CIAO2A: variants seen among roughly 807,000 people sequenced by gnomAD.
CIAO2A encodes the protein MIP18 family protein FAM96A.
In CIAO2A, 17 loss-of-function variants were observed where a neutral mutation model predicts 22.4. The ratio of observed to expected loss-of-function variants is 0.76; its 90% CI spans 0.52 to 1.14. CIAO2A has a LOEUF of 1.14. CIAO2A is among the 50% of genes most tolerant of loss of function. The probability of loss-of-function intolerance (pLI) is 0.00; values close to 1 mark genes in which losing one functional copy is unlikely to be tolerated. For synonymous variants in CIAO2A, 74 were observed against 72.3 expected, an observed-to-expected ratio of 1.02 and a Z score of -0.12; for missense variants, 192 against 191.4, an observed-to-expected ratio of 1.00 and a Z score of -0.02.
intron 3 of CIAO2A, among the ~76,000 whole-genome samples, chr15:64,078,447 C>G (rs967779277): frequency 6.6e-6 from 1 of 151,956 alleles, no homozygotes; most frequent in South Asian, 2.1e-4. Context: ...CCAAACTGGC[C>G]AACATGGCAA....
intron 4 of CIAO2A, 153 bp downstream of exon 4, chr15:64,075,339 C>G (rs2080709014): frequency 1.8e-6 from 1 of 547,252 alleles, no homozygotes; most frequent in African/African-American, 2.0e-5. Flanking sequence ...TTTGAAATGC[C>G]TAGGTTTCCT....
intron 2 of CIAO2A, among the ~76,000 whole-genome samples, chr15:64,083,636 T>C (rs918143244): frequency 3.9e-5 from 6 of 152,130 alleles, no homozygotes; most frequent in Non-Finnish European, 7.4e-5. Context: ...GATACACTAT[T>C]ATACAATTCT....
chr15:64,089,450 G>GGTTGC (rs141515728), intron 1 of CIAO2A, among the ~76,000 whole-genome samples: 19 of 9,226 alleles, frequency 2.1e-3, no homozygotes, highest in African/African-American at 2.5e-3. Flanking sequence ...AGGAGGCAGA[G>GGTTGC]GTTGAGAGCG....
intron 2 of CIAO2A, among the ~76,000 whole-genome samples, chr15:64,083,831 C>T (rs952804675): frequency 5.9e-5 from 9 of 151,926 alleles, no homozygotes; most frequent in Non-Finnish European, 1.2e-4. Flanking sequence ...ATGATCCCAG[C>T]TACTTGGAGG....
At chr15:64,078,832 C>T (rs2080739990) in intron 3 of CIAO2A, among the ~76,000 whole-genome samples, 1 of 151,858 alleles carries the variant, frequency 6.6e-6, no homozygotes, top group Non-Finnish European at 1.5e-5. Context: ...CTGCTTGAGC[C>T]CAGGAGTTCA....
At chr15:64,091,739 T>G (rs1248887091) in intron 1 of CIAO2A, among the ~76,000 whole-genome samples, 1 of 151,992 alleles carries the variant, frequency 6.6e-6, no homozygotes, top group South Asian at 2.1e-4. Context: ...AGTTTCTAGA[T>G]TTGAGAGGTT....
chr15:64,086,636 CAG>C (rs1296623264), intron 2 of CIAO2A, among the ~76,000 whole-genome samples: 22 of 144,896 alleles, frequency 1.5e-4, no homozygotes, highest in African/African-American at 5.4e-4. Context: ...TTTTTTGAGA[CAG>C]AGTCTTACTC....
intron 3 of CIAO2A, among the ~76,000 whole-genome samples, chr15:64,079,506 A>G (rs1192557970): frequency 1.3e-5 from 2 of 152,184 alleles, no homozygotes; most frequent in Non-Finnish European, 1.5e-5. Context: ...AGCCTGGGAG[A>G]CAGAGCAAGA....
chr15:64,093,585 AC>A, intron 1 of CIAO2A, 59 bp downstream of exon 1: 3 of 1,545,218 alleles, frequency 1.9e-6, no homozygotes, highest in Non-Finnish European at 2.6e-6. Context: ...TCATCCCCGC[AC>A]CCCTCAGCTC....
At chr15:64,075,830 AT>A (rs928886278) in intron 3 of CIAO2A, among the ~76,000 whole-genome samples, 146 of 144,740 alleles carry the variant, frequency 1.0e-3, no homozygotes, top group Non-Finnish European at 8.0e-4. Flanking sequence ...TTGTATTATT[AT>A]TTTTTTTTTT....
At chr15:64,078,639 C>A (rs75165638) in intron 3 of CIAO2A, among the ~76,000 whole-genome samples, 662 of 128,902 alleles carry the variant, frequency 5.1e-3, no homozygotes, top group African/African-American at 0.011. Context: ...CCATCGCAAA[C>A]AAAAAAAAAA....
intron 3 of CIAO2A, among the ~76,000 whole-genome samples, chr15:64,078,238 T>C (rs750710868): frequency 1.1e-4 from 17 of 152,192 alleles, no homozygotes; most frequent in Non-Finnish European, 7.3e-5. Context: ...TAATAATTTA[T>C]TAATTTACTC....
rs969052158 is a variant in CIAO2A, at chr15:64,093,761, C to G, written c.8G>C (p.Arg3Pro). ...CGTCCAGGAGAGCAGCCCGGACACC[C>G]GCTGCATCTTCACGCTCAGCCATCC... MQ[R>P]VSGLLSWTLS... The change falls in exon 1 of 5, where the codon CGG becomes CCG. Residue 3 changes from arginine (R) to proline (P), a missense_variant. Arg to Pro is a moderately radical substitution (Grantham distance 103). Coordinates refer to ENST00000300030, the MANE Select transcript of CIAO2A (RefSeq NM_032231.7). The G allele has an allele frequency of 6.2e-7, 1 of 1,610,526 alleles. No individual in the cohort carries two copies. The highest frequency in any genetic ancestry group is 1.3e-5 in the African/African-American group (1 of 74,950).
At chr15:64,074,847 T>G (rs2080704885) in intron 4 of CIAO2A, 1 of 152,210 alleles carries the variant, frequency 6.6e-6, no homozygotes, top group African/African-American at 2.4e-5. Flanking sequence ...ACCTTCTCAA[T>G]TTACTTAGTG....
At chr15:64,088,522 G>A (rs2080814765) in intron 2 of CIAO2A, among the ~76,000 whole-genome samples, 165 bp downstream of exon 2, 2 of 152,182 alleles carry the variant, frequency 1.3e-5, no homozygotes, top group Admixed American at 1.3e-4. Flanking sequence ...AGCTAATTGT[G>A]AGGACTACAG....
chr15:64,080,725 C>G (rs2080753631), intron 3 of CIAO2A, among the ~76,000 whole-genome samples: 1 of 151,992 alleles, frequency 6.6e-6, no homozygotes. Flanking sequence ...ACTAGAATGC[C>G]TGTAATCAAA....
Position 64,093,826 on chromosome 15 carries a change from C to T in CIAO2A, c.-58G>A, listed in dbSNP as rs1425358280. On this transcript the variant is annotated 5_prime_UTR_variant, in exon 1 of 5. Coordinates refer to ENST00000300030, the MANE Select transcript of CIAO2A (RefSeq NM_032231.7). ...AATCGCGCCACCGTCTCTCAGCAGC[C>T]TCGGGATTGATCAACTTCCTGGTCT... The T allele has an allele frequency of 3.8e-6, 6 of 1,586,586 alleles. No homozygotes were observed. The Admixed American group carries it at 7.0e-5, about 18-fold the overall frequency.
chr15:64,081,225 C>A (rs947946074), intron 2 of CIAO2A, 74 bp from the exon 3 acceptor site: 2 of 1,394,686 alleles, frequency 1.4e-6, no homozygotes. Flanking sequence ...CATACAACTG[C>A]GTTTATGTGC....
intron 3 of CIAO2A, among the ~76,000 whole-genome samples, chr15:64,079,176 C>T (rs144624585): frequency 6.1e-4 from 92 of 152,040 alleles, no homozygotes; most frequent in African/African-American, 2.2e-3. Flanking sequence ...AAAAATTCAT[C>T]TTAAAAAGAA....
Sources: allele counts gnomAD v4.1 joint callset (sites outside exome capture counted in the v4.1 genomes callset), GRCh38; gene constraint gnomAD v4.1.1; transcripts MANE v1.5; gene names NCBI Gene and HGNC (gene_info 2026-07-23, HGNC 2026-07-21).